EPS15: variants seen among roughly 807,000 people sequenced by gnomAD.
EPS15 encodes epidermal growth factor receptor pathway substrate 15, also known as epidermal growth factor receptor substrate 15.
Under a neutral mutation model 113.8 loss-of-function variants are expected in EPS15, and 72 were observed. The ratio of observed to expected loss-of-function variants is 0.63; its 90% CI spans 0.52 to 0.77. The LOEUF (loss-of-function observed/expected upper bound fraction) is 0.77. Among genes scored for constraint, EPS15 ranks in the 30% least tolerant of loss-of-function variants. The pLI, the probability that EPS15 is intolerant of heterozygous loss-of-function variation, is 0.00. For missense variants in EPS15, 1,048 were observed against 1,045.8 expected (o/e 1.00, Z -0.03); for synonymous variants, 344 against 363.4 (o/e 0.95, Z 0.61).
Position 51,447,073 on chromosome 1 carries a change from A to G in EPS15, c.684T>C (p.Tyr228=), listed in dbSNP as rs1434764858. The change falls in exon 10 of 25, where the codon TAT becomes TAC. Residue 228 remains tyrosine (Y), a synonymous_variant. Coordinates refer to ENST00000371733, the MANE Select transcript of EPS15 (RefSeq NM_001981.3). The part of the protein sequence containing the change: ...WVVSPAEKAK[Y]DEIFLKTDKD... The stretch of plus-strand genomic sequence containing the variant: ...TATCAGTTTTCAGGAAGATTTCATC[A>G]TATTTAGCTTTTTCTGCAGGGGATA... 1 of 1,613,532 alleles carries G rather than the reference A, an allele frequency of 6.2e-7. No homozygotes were observed. Among genetic ancestry groups the G allele is most frequent in the African/African-American group, 1.3e-5 (1 of 75,028 alleles).
intron 8 of EPS15, among the ~76,000 whole-genome samples, chr1:51,453,515 C>T (rs1289112353): frequency 5.9e-5 from 9 of 151,974 alleles, no homozygotes; most frequent in Non-Finnish European, 1.3e-4. Context: ...AAATCAAATG[C>T]ATTCACACAC....
At chr1:51,464,352 G>C (rs1187440022) in intron 6 of EPS15, among the ~76,000 whole-genome samples, 1 of 150,694 alleles carries the variant, frequency 6.6e-6, no homozygotes, top group South Asian at 2.1e-4. Context: ...CGATTCTCCT[G>C]CCTCAGCCTC....
chr1:51,509,616 C>T (rs1402475158), intron 1 of EPS15, among the ~76,000 whole-genome samples: 1 of 152,116 alleles, frequency 6.6e-6, no homozygotes, highest in Non-Finnish European at 1.5e-5. Flanking sequence ...ATAACCATGT[C>T]TGAGAGAATA....
chr1:51,387,339 C>A (rs1239935965), intron 21 of EPS15, among the ~76,000 whole-genome samples: 5 of 152,024 alleles, frequency 3.3e-5, no homozygotes, highest in Non-Finnish European at 7.4e-5. Context: ...TGGAAAGGAA[C>A]AACCAGTACC....
intron 21 of EPS15, among the ~76,000 whole-genome samples, chr1:51,378,473 TA>T (rs1398631267): frequency 6.6e-6 from 1 of 152,058 alleles, no homozygotes; most frequent in Non-Finnish European, 1.5e-5. Flanking sequence ...CCTGGGTTCC[TA>T]AAACAAAACC....
chr1:51,449,518 G>A (rs896379798), intron 8 of EPS15, among the ~76,000 whole-genome samples: 4 of 149,126 alleles, frequency 2.7e-5, no homozygotes, highest in Admixed American at 2.0e-4. Context: ...ACCAAACCCC[G>A]TGACATGCAA....
chr1:51,426,813 A>ATCTC (rs1429311850), intron 12 of EPS15, among the ~76,000 whole-genome samples: 3 of 132,336 alleles, frequency 2.3e-5, no homozygotes, highest in African/African-American at 9.4e-5. Flanking sequence ...CTTAAAATAA[A>ATCTC]TCTGTCTCTC....
intron 1 of EPS15, among the ~76,000 whole-genome samples, chr1:51,486,220 C>G: frequency 6.6e-6 from 1 of 150,920 alleles, no homozygotes; most frequent in East Asian, 2.0e-4. Flanking sequence ...GAGTTCGAGA[C>G]CAGCCTGGCC....
chr1:51,396,429 A>G (rs1647947466), intron 20 of EPS15, among the ~76,000 whole-genome samples: 1 of 152,200 alleles, frequency 6.6e-6, no homozygotes, highest in Non-Finnish European at 1.5e-5. Context: ...GAAATGCTCC[A>G]AAGTCTGAAA....
intron 8 of EPS15, among the ~76,000 whole-genome samples, chr1:51,449,944 A>G (rs533399823): frequency 2.6e-5 from 4 of 151,952 alleles, no homozygotes; most frequent in East Asian, 1.9e-4. Flanking sequence ...TGGAAAAGGC[A>G]TAAGGGAGGC....
chr1:51,372,480 G>A (rs1646681556), intron 21 of EPS15: 1 of 533,348 alleles, frequency 1.9e-6, no homozygotes, highest in East Asian at 5.4e-5. Context: ...TTTAGACCAT[G>A]ATTATTTGGA....
chr1:51,504,543 A>G (rs1265527655), intron 1 of EPS15, among the ~76,000 whole-genome samples: 1 of 152,004 alleles, frequency 6.6e-6, no homozygotes, highest in African/African-American at 2.4e-5. Flanking sequence ...TAGAATACAT[A>G]AAGAATTCTT....
At chr1:51,414,373 G>A (rs866222069) in intron 13 of EPS15, among the ~76,000 whole-genome samples, 2 of 151,374 alleles carry the variant, frequency 1.3e-5, no homozygotes, top group African/African-American at 2.4e-5. Context: ...CCAAGATGGC[G>A]CCACTGCACT....
At chr1:51,394,057 A>G (rs761653357) in intron 21 of EPS15, among the ~76,000 whole-genome samples, 19 of 152,246 alleles carry the variant, frequency 1.2e-4, no homozygotes, top group South Asian at 2.1e-4. Flanking sequence ...CTTTTAACTT[A>G]GACCAAGATC....
chr1:51,374,993 C>CT, intron 21 of EPS15, among the ~76,000 whole-genome samples: 1 of 136,242 alleles, frequency 7.3e-6, no homozygotes, highest in African/African-American at 2.8e-5. Context: ...ATTTAATATA[C>CT]TTCTTTTTTT....
chr1:51,496,107 C>T (rs924263219), intron 1 of EPS15, among the ~76,000 whole-genome samples: 2 of 152,154 alleles, frequency 1.3e-5, no homozygotes, highest in Non-Finnish European at 2.9e-5. Context: ...ACTCCAAGTA[C>T]TAGTCTAGGC....
intron 13 of EPS15, among the ~76,000 whole-genome samples, chr1:51,413,308 A>G (rs1332782889): frequency 6.6e-6 from 1 of 152,168 alleles, no homozygotes; most frequent in African/African-American, 2.4e-5. Context: ...CTCTACTGTC[A>G]TACTTAATAC....
At chr1:51,425,059 T>C (rs1324615130) in intron 12 of EPS15, among the ~76,000 whole-genome samples, 1 of 152,162 alleles carries the variant, frequency 6.6e-6, no homozygotes, top group Non-Finnish European at 1.5e-5. Flanking sequence ...TTTTAGACTA[T>C]CTTTCAGGTT....
At chr1:51,513,971 A>AC (rs1175987247) in intron 1 of EPS15, among the ~76,000 whole-genome samples, 1 of 152,212 alleles carries the variant, frequency 6.6e-6, no homozygotes, top group Non-Finnish European at 1.5e-5. Flanking sequence ...AAGCTAAATC[A>AC]GTTGATTACA....
Sources: allele counts gnomAD v4.1 joint callset (sites outside exome capture counted in the v4.1 genomes callset), GRCh38; gene constraint gnomAD v4.1.1; transcripts MANE v1.5; gene names NCBI Gene and HGNC (gene_info 2026-07-23, HGNC 2026-07-21).